Variants in ULK4 observed in about 807,000 individuals in gnomAD.
ULK4 encodes inactive serine/threonine-protein kinase ULK4.
In ULK4, 133 loss-of-function variants were observed where a neutral mutation model predicts 160.6. The observed-to-expected ratio is 0.83, with a 90% CI of 0.72 to 0.96. ULK4 has a LOEUF of 0.96. ULK4 is among the 40% of genes least tolerant of loss of function. ULK4 has a pLI of 0.00. For missense variants in ULK4, 1,580 were observed against 1,499.5 expected, an observed-to-expected ratio of 1.05 and a Z score of -0.89; for synonymous variants, 534 against 539.8, an observed-to-expected ratio of 0.99 and a Z score of 0.15.
At chr3:41,592,673 T>C (rs1018612621) in intron 31 of ULK4, among the ~76,000 whole-genome samples, 11 of 152,240 alleles carry the variant, frequency 7.2e-5, no homozygotes, top group Non-Finnish European at 1.3e-4. Context: ...CCTAACACTT[T>C]AGTACACTGT....
intron 21 of ULK4, among the ~76,000 whole-genome samples, chr3:41,770,510 CTTT>C (rs560284136): frequency 2.2e-5 from 3 of 135,482 alleles, no homozygotes; most frequent in African/African-American, 2.8e-5. Context: ...TAGAAAGATA[CTTT>C]TTTTTTTTTT....
chr3:41,686,741 A>G (rs1355432870), intron 27 of ULK4, among the ~76,000 whole-genome samples: 2 of 152,164 alleles, frequency 1.3e-5, no homozygotes, highest in Admixed American at 1.3e-4. Context: ...CTCCAAGGGT[A>G]CTCAAAGTGA....
intron 30 of ULK4, among the ~76,000 whole-genome samples, chr3:41,651,496 T>C (rs2034740699): frequency 6.6e-6 from 1 of 152,216 alleles, no homozygotes; most frequent in Non-Finnish European, 1.5e-5. Context: ...CTCCATCTAA[T>C]GCCAGGACGT....
intron 32 of ULK4, among the ~76,000 whole-genome samples, chr3:41,470,029 A>AAAC (rs2083940521): frequency 7.0e-6 from 1 of 142,714 alleles, no homozygotes; most frequent in Non-Finnish European, 1.5e-5. Context: ...AAAAAAAAAA[A>AAAC]AAAAAAAAAA....
At chr3:41,693,686 T>C (rs180889040) in intron 27 of ULK4, among the ~76,000 whole-genome samples, 1 of 151,880 alleles carries the variant, frequency 6.6e-6, no homozygotes, top group East Asian at 1.9e-4. Context: ...GTAATGAGAG[T>C]ATGATGGAAT....
At chr3:41,454,740 T>C (rs2083503373) in intron 34 of ULK4, among the ~76,000 whole-genome samples, 2 of 152,072 alleles carry the variant, frequency 1.3e-5, no homozygotes. Flanking sequence ...TCACCCAGGC[T>C]GGAGTGAAGT....
chr3:41,591,185 G>A lies in ULK4; in HGVS notation c.3120+24484C>T, dbSNP rs547319222. Among the ~76,000 whole-genome samples the A allele has an allele frequency of 5.6e-4, 86 of 152,262 alleles. 2 individuals carry two copies. In the South Asian group the frequency reaches 0.017, roughly 30 times the overall value. On this transcript the variant is annotated intron_variant, in intron 31 of 36. Transcript: ENST00000301831. ...TGTGCAAGCCAGAAGACAATGAAAAGCAACTTTGAAGTATTAAAAGAAAAA... is the reference window on the plus strand; with the variant it reads ...TGTGCAAGCCAGAAGACAATGAAAAACAACTTTGAAGTATTAAAAGAAAAA...
At chr3:41,508,078 G>A (rs1044200868) in intron 32 of ULK4, among the ~76,000 whole-genome samples, 3 of 152,184 alleles carry the variant, frequency 2.0e-5, no homozygotes, top group Non-Finnish European at 1.5e-5. Context: ...TACTAGAGTC[G>A]GTGCCGCTGG....
intron 35 of ULK4, among the ~76,000 whole-genome samples, chr3:41,377,803 G>A (rs1478974211): frequency 3.4e-5 from 5 of 147,824 alleles, no homozygotes; most frequent in African/African-American, 1.3e-4. Flanking sequence ...AACCATTGTG[G>A]AAGTCAGTGT....
chr3:41,382,686 T>A (rs2081685429), intron 35 of ULK4, among the ~76,000 whole-genome samples: 1 of 152,194 alleles, frequency 6.6e-6, no homozygotes, highest in African/African-American at 2.4e-5. Flanking sequence ...CTTTACATGA[T>A]AATGTTTCAA....
chr3:41,482,578 G>A (rs1237090557), intron 32 of ULK4, among the ~76,000 whole-genome samples: 2 of 152,162 alleles, frequency 1.3e-5, no homozygotes, highest in Admixed American at 6.5e-5. Context: ...TTTCTAATAT[G>A]AGCAGGTAAG....
At chr3:41,953,982 G>C (rs1700392807) in intron 2 of ULK4, among the ~76,000 whole-genome samples, 1 of 152,012 alleles carries the variant, frequency 6.6e-6, no homozygotes, top group South Asian at 2.1e-4. Context: ...AGGAGATCGA[G>C]ACCATCCTGG....
chr3:41,676,894 C>T (rs767528599), intron 29 of ULK4, among the ~76,000 whole-genome samples: 1 of 146,060 alleles, frequency 6.8e-6, no homozygotes, highest in Non-Finnish European at 1.5e-5. Context: ...GGGGTGCCTG[C>T]CCCCACCCCC....
At chr3:41,449,932 T>C (rs759387718) in intron 34 of ULK4, among the ~76,000 whole-genome samples, 1 of 149,114 alleles carries the variant, frequency 6.7e-6, no homozygotes, top group African/African-American at 2.5e-5. Context: ...CTAAATGGAC[T>C]GTCAAGGACC....
chr3:41,846,711 A>C (rs994236599), intron 17 of ULK4, among the ~76,000 whole-genome samples: 3 of 151,486 alleles, frequency 2.0e-5, no homozygotes, highest in African/African-American at 7.3e-5. Flanking sequence ...AGGCTGAGAC[A>C]GGAGGATCAC....
intron 22 of ULK4, among the ~76,000 whole-genome samples, chr3:41,731,320 C>T (rs2037814073): frequency 6.6e-6 from 1 of 151,798 alleles, no homozygotes; most frequent in Non-Finnish European, 1.5e-5. Context: ...TAAGTGAATT[C>T]AGTAAAGCAT....
chr3:41,397,316 G>T (rs1200022401), intron 35 of ULK4, among the ~76,000 whole-genome samples: 1 of 152,106 alleles, frequency 6.6e-6, no homozygotes, highest in Non-Finnish European at 1.5e-5. Flanking sequence ...CCTTACAGTG[G>T]AATGCTGGGA....
intron 35 of ULK4, among the ~76,000 whole-genome samples, chr3:41,370,043 G>C (rs1159958337): frequency 6.6e-6 from 1 of 152,018 alleles, no homozygotes; most frequent in African/African-American, 2.4e-5. Context: ...ATGACTTCCA[G>C]GTTGCTAAGC....
chr3:41,773,753 G>T (rs143359739), intron 21 of ULK4, among the ~76,000 whole-genome samples: 43 of 152,006 alleles, frequency 2.8e-4, no homozygotes, highest in African/African-American at 5.3e-4. Context: ...AAAAAGAGCC[G>T]GCATTGCCAA....
Sources: gnomAD v4.1 joint callset for allele counts (sites outside exome capture counted in the v4.1 genomes callset) on GRCh38, gnomAD v4.1.1 for gene constraint, MANE v1.5 for transcripts, NCBI Gene and HGNC (gene_info 2026-07-23, HGNC 2026-07-21) for gene names.